The following FAM110B variants were observed in gnomAD, a reference collection of about 807,000 sequenced individuals.
The protein encoded by FAM110B is family with sequence similarity 110 member B.
A neutral mutation model predicts 20.4 loss-of-function variants in FAM110B; 6 were observed. That is an observed-to-expected ratio of 0.29 (90% CI 0.16 to 0.58). The LOEUF (loss-of-function observed/expected upper bound fraction) is 0.58, where lower values mean the gene tolerates loss of function less well. FAM110B is among the 20% of genes least tolerant of loss of function. The pLI is 0.90. For synonymous variants in FAM110B, 226 were observed against 214.1 expected, an observed-to-expected ratio of 1.06 and a Z score of -0.49; for missense variants, 434 against 498.2, an observed-to-expected ratio of 0.87 and a Z score of 1.23.
At chr8:58,047,056 G>A (rs771767662) in intron 2 of FAM110B, among the ~76,000 whole-genome samples, 32 of 152,268 alleles carry the variant, frequency 2.1e-4, no homozygotes, top group Admixed American at 7.8e-4. Context: ...GAAGAGTTAC[G>A]AAGAGAAAAT....
At chr8:58,093,842 A>T (rs530988547) in intron 3 of FAM110B, among the ~76,000 whole-genome samples, 1 of 152,246 alleles carries the variant, frequency 6.6e-6, no homozygotes, top group South Asian at 2.1e-4. Context: ...TTTGGGCTGT[A>T]TGGCCATTTT....
intron 3 of FAM110B, among the ~76,000 whole-genome samples, chr8:58,144,750 G>A (rs1803819470): frequency 6.6e-6 from 1 of 152,204 alleles, no homozygotes. Context: ...TTAGCCCCTT[G>A]CTTTGGAGTG....
intron 1 of FAM110B, among the ~76,000 whole-genome samples, chr8:58,017,489 T>C (rs1021790972): frequency 1.3e-5 from 2 of 152,180 alleles, no homozygotes; most frequent in African/African-American, 4.8e-5. Flanking sequence ...CTCTTTACTA[T>C]TGGTGAAGTG....
intron 3 of FAM110B, among the ~76,000 whole-genome samples, chr8:58,105,987 G>T (rs1026266542): frequency 1.3e-5 from 2 of 152,008 alleles, no homozygotes; most frequent in Non-Finnish European, 2.9e-5. Flanking sequence ...TCTGATTGTT[G>T]CCCCAATATA....
intron 1 of FAM110B, among the ~76,000 whole-genome samples, chr8:58,026,287 A>G (rs1337646190): frequency 6.6e-6 from 1 of 151,884 alleles, no homozygotes; most frequent in Non-Finnish European, 1.5e-5. Context: ...TGTGAATTGC[A>G]TTACTTACCT....
At chr8:58,090,550 G>A (rs938323873) in intron 3 of FAM110B, among the ~76,000 whole-genome samples, 9 of 152,178 alleles carry the variant, frequency 5.9e-5, no homozygotes, top group Admixed American at 5.9e-4. Context: ...AATTTGTGTT[G>A]TTATCAGCAA....
At chr8:58,102,627 C>CTCA (rs1323433317) in intron 3 of FAM110B, among the ~76,000 whole-genome samples, 2 of 152,156 alleles carry the variant, frequency 1.3e-5, no homozygotes, top group African/African-American at 4.8e-5. Context: ...AACAGTGTAT[C>CTCA]TCACATGCAA....
chr8:58,023,994 C>T (rs1203345930), intron 1 of FAM110B, among the ~76,000 whole-genome samples: 1 of 152,316 alleles, frequency 6.6e-6, no homozygotes. Flanking sequence ...GATTTTGTGA[C>T]ACTGACATTG....
At chr8:58,091,536 G>A (rs1167801653) in intron 3 of FAM110B, 1 of 152,002 alleles carries the variant, frequency 6.6e-6, no homozygotes, top group Admixed American at 6.6e-5. Context: ...TAATCACGTC[G>A]GCTGTAGCTC....
At chr8:58,077,322 C>A (rs1029536752) in intron 3 of FAM110B, 1 of 152,294 alleles carries the variant, frequency 6.6e-6, no homozygotes, top group East Asian at 1.9e-4. Context: ...TTTCCTAGGA[C>A]ATGGGACTTG....
chr8:58,002,752 C>A (rs1754596401), intron 1 of FAM110B, among the ~76,000 whole-genome samples: 1 of 152,110 alleles, frequency 6.6e-6, no homozygotes, highest in Admixed American at 6.5e-5. Context: ...ATGTACATAC[C>A]TTAATTAAAA....
intron 1 of FAM110B, among the ~76,000 whole-genome samples, chr8:58,028,518 C>T (rs1302102731): frequency 6.6e-6 from 1 of 152,114 alleles, no homozygotes; most frequent in African/African-American, 2.4e-5. Flanking sequence ...AAGATCTCTT[C>T]CTGTGTTTAC....
intron 3 of FAM110B, among the ~76,000 whole-genome samples, chr8:58,093,645 C>G (rs149105196): frequency 1.3e-5 from 2 of 152,260 alleles, no homozygotes; most frequent in East Asian, 3.9e-4. Flanking sequence ...GTTTTGGTTA[C>G]TGTAGCCTTG....
chr8:58,076,606 G>A (rs1806043849), intron 3 of FAM110B, among the ~76,000 whole-genome samples: 1 of 152,210 alleles, frequency 6.6e-6, no homozygotes, highest in Non-Finnish European at 1.5e-5. Flanking sequence ...TAAGGAAGTG[G>A]AAGAATGGTG....
intron 3 of FAM110B, among the ~76,000 whole-genome samples, chr8:58,111,285 G>C (rs1807052866): frequency 1.3e-5 from 2 of 152,176 alleles, no homozygotes; most frequent in Admixed American, 6.5e-5. Flanking sequence ...TGATGGGTAT[G>C]AAAGTATGCA....
intron 1 of FAM110B, among the ~76,000 whole-genome samples, chr8:58,029,368 C>T (rs906057024): frequency 6.6e-6 from 1 of 152,026 alleles, no homozygotes; most frequent in African/African-American, 2.4e-5. Context: ...GTTAGACAAC[C>T]TAAGAATATC....
chr8:58,088,111 A>C (rs1401817457), intron 3 of FAM110B, among the ~76,000 whole-genome samples: 2 of 152,242 alleles, frequency 1.3e-5, no homozygotes, highest in African/African-American at 4.8e-5. Flanking sequence ...AAAAGAAAAA[A>C]ATTTATTTTG....
At chr8:58,026,365 T>G (rs1329877357) in intron 1 of FAM110B, among the ~76,000 whole-genome samples, 2 of 151,878 alleles carry the variant, frequency 1.3e-5, no homozygotes, top group African/African-American at 4.8e-5. Context: ...CTTTTCCATC[T>G]AGTATAGTGA....
At chr8:58,007,388 A>C (rs1804433791) in intron 1 of FAM110B, among the ~76,000 whole-genome samples, 1 of 152,204 alleles carries the variant, frequency 6.6e-6, no homozygotes, top group African/African-American at 2.4e-5. Flanking sequence ...GTGATGCAGC[A>C]TCAGTGGAAC....
Sources: gnomAD v4.1 joint callset for allele counts (sites outside exome capture counted in the v4.1 genomes callset) on GRCh38, gnomAD v4.1.1 for gene constraint, MANE v1.5 for transcripts, NCBI Gene and HGNC (gene_info 2026-07-23, HGNC 2026-07-21) for gene names.